XPNPEP1: variants seen among roughly 807,000 people sequenced by gnomAD.
The protein encoded by XPNPEP1 is X-prolyl aminopeptidase 1.
In XPNPEP1, 39 loss-of-function variants were observed where a neutral mutation model predicts 92.4. The observed-to-expected ratio is 0.42, with a 90% CI of 0.33 to 0.55. The LOEUF (loss-of-function observed/expected upper bound fraction) is 0.55, where lower values mean the gene tolerates loss of function less well. Among genes scored for constraint, XPNPEP1 ranks in the 20% least tolerant of loss-of-function variants. XPNPEP1 has a pLI of 0.08. For missense variants in XPNPEP1, 654 were observed against 856.1 expected, an observed-to-expected ratio of 0.76 and a Z score of 2.95; for synonymous variants, 307 against 299.4, an observed-to-expected ratio of 1.03 and a Z score of -0.26.
chr10:109,881,133 G>C (rs753995949), intron 10 of XPNPEP1, among the ~76,000 whole-genome samples: 25 of 152,148 alleles, frequency 1.6e-4, no homozygotes, highest in Non-Finnish European at 3.4e-4. Flanking sequence ...CAACCAAAAA[G>C]AGTAAGTACA....
chr10:109,908,713 C>A (rs937864643), intron 2 of XPNPEP1, among the ~76,000 whole-genome samples: 1 of 152,112 alleles, frequency 6.6e-6, no homozygotes, highest in Non-Finnish European at 1.5e-5. Flanking sequence ...GGACAGTCAC[C>A]CAAGTGTTAA....
intron 14 of XPNPEP1, 188 bp from the exon 15 acceptor site, chr10:109,875,787 A>G (rs1847751298): frequency 1.9e-6 from 1 of 516,894 alleles, no homozygotes; most frequent in East Asian, 3.2e-5. Context: ...TCAAAGATCC[A>G]ATCAACCTAT....
At chr10:109,899,482 T>C (rs1358227247) in intron 3 of XPNPEP1, among the ~76,000 whole-genome samples, 4 of 152,156 alleles carry the variant, frequency 2.6e-5, no homozygotes, top group African/African-American at 7.2e-5. Flanking sequence ...TACTGCTACA[T>C]GAAATAAGAA....
At chr10:109,904,511 A>T (rs759985966) in intron 3 of XPNPEP1, among the ~76,000 whole-genome samples, 15 of 152,168 alleles carry the variant, frequency 9.9e-5, no homozygotes, top group African/African-American at 1.4e-4. Flanking sequence ...TGGACATTTA[A>T]GTCTGAAAAA....
chr10:109,870,623 G>C (rs570260567), intron 18 of XPNPEP1, 108 bp downstream of exon 18: 1 of 1,408,730 alleles, frequency 7.1e-7, no homozygotes, highest in Non-Finnish European at 9.5e-7. Context: ...TGTTGGAAGG[G>C]AAAAGTATTG....
At chr10:109,880,103 G>A in intron 12 of XPNPEP1, 85 bp downstream of exon 12, 1 of 1,359,386 alleles carries the variant, frequency 7.4e-7, no homozygotes, top group Admixed American at 1.7e-5. Flanking sequence ...GGTCAGCAGA[G>A]CATGGGAGAT....
chr10:109,871,046 A>G lies in XPNPEP1; in HGVS notation c.1523-142T>C, dbSNP rs879650952. On this transcript the variant is annotated intron_variant, in intron 17 of 20. Coordinates refer to ENST00000502935, the MANE Select transcript of XPNPEP1 (RefSeq NM_020383.4). ...AGATTTCAGCACAGCACAAGGAAGA[A>G]CTTTCTAACAATCAGAGCTCCTGAG... The G allele has an allele frequency of 1.7e-4, 159 of 911,880 alleles. 1 individual carries two copies. The highest frequency in any genetic ancestry group is 2.6e-4 in the Middle Eastern group (1 of 3,866). 56.5% of individuals were successfully genotyped at this position (911,880 alleles called of 1,614,324 possible).
At chr10:109,915,133 T>C in intron 1 of XPNPEP1, 34 bp from the exon 2 acceptor site, 2 of 1,395,296 alleles carry the variant, frequency 1.4e-6, no homozygotes, top group Non-Finnish European at 1.9e-6. Context: ...GTTGCAGACT[T>C]TGACCACAAT....
intron 2 of XPNPEP1, among the ~76,000 whole-genome samples, chr10:109,914,744 C>T (rs1246891808): frequency 1.1e-4 from 16 of 142,496 alleles, no homozygotes; most frequent in Middle Eastern, 3.8e-3. Flanking sequence ...TGCAGTGAGC[C>T]GAGATCACGC....
At chr10:109,881,349 T>C (rs975312903) in intron 10 of XPNPEP1, among the ~76,000 whole-genome samples, 1 of 152,102 alleles carries the variant, frequency 6.6e-6, no homozygotes, top group Non-Finnish European at 1.5e-5. Flanking sequence ...ACCTGATGAG[T>C]GAGGTCTCCT....
intron 5 of XPNPEP1, chr10:109,891,269 T>A (rs921088401): frequency 6.5e-6 from 1 of 153,320 alleles, no homozygotes; most frequent in Non-Finnish European, 1.5e-5. Flanking sequence ...TCCAGACCTG[T>A]TCGCTTGTCC....
intron 3 of XPNPEP1, among the ~76,000 whole-genome samples, chr10:109,896,700 G>A (rs1295366867): frequency 6.6e-6 from 1 of 152,000 alleles, no homozygotes; most frequent in Admixed American, 6.6e-5. Flanking sequence ...CAGGTGACTA[G>A]ATCCTCAACC....
At chr10:109,891,342 C>T (rs1256291440) in intron 5 of XPNPEP1, 1 of 158,376 alleles carries the variant, frequency 6.3e-6, no homozygotes, top group African/African-American at 2.4e-5. Context: ...CAGAGAGAGC[C>T]TCAGGGGAAA....
chr10:109,870,866 C>T lies in XPNPEP1; in HGVS notation c.1561G>A (p.Asp521Asn), dbSNP rs1055755492. The change falls in exon 18 of 21, where the codon GAT (aspartate) becomes AAT (asparagine). Residue 521 changes from aspartate (D) to asparagine (N), a missense_variant. By Grantham distance (23) the Asp-to-Asn change is conservative. Transcript: ENST00000502935. ...CCGTGCAAGTAATCTAGGCCTGAAT[C>T]CCATAAAGCTGAACGGGCAAAGGAG... ...LDSFARSALW[D>N]SGLDYLHGTG... is the part of the protein sequence containing the mutation. 1.9e-6 allele frequency: 3 copies of T among 1,614,070 alleles called. No individual in the cohort carries two copies. Among genetic ancestry groups the T allele is most frequent in the Admixed American group, 1.7e-5 (1 of 60,008 alleles).
intron 3 of XPNPEP1, among the ~76,000 whole-genome samples, chr10:109,901,412 T>TA (rs1564781321): frequency 6.6e-6 from 1 of 152,120 alleles, no homozygotes; most frequent in Non-Finnish European, 1.5e-5. Context: ...AAGTATAATT[T>TA]AAAAAAAGAT....
rs1850680324 is a variant in XPNPEP1, at chr10:109,923,497, G to A, written c.-64C>T. Reference sequence around the variant, plus strand: ...AGACCAGCTGATCACCCGCGGAAGGGCCGGCGCGAAGGAGGCGCGAGAGCC... The same window carrying A: ...AGACCAGCTGATCACCCGCGGAAGGACCGGCGCGAAGGAGGCGCGAGAGCC... On this transcript the variant is annotated 5_prime_UTR_variant, in exon 1 of 21. Coordinates refer to ENST00000502935, the MANE Select transcript of XPNPEP1 (RefSeq NM_020383.4). 4.6e-6 allele frequency: 6 copies of A among 1,292,968 alleles called. No individual in the cohort carries two copies. Among genetic ancestry groups the A allele is most frequent in the Non-Finnish European group, 5.9e-6 (6 of 1,013,048 alleles). 80.1% of individuals were successfully genotyped at this position (1,292,968 alleles called of 1,614,324 possible).
intron 7 of XPNPEP1, among the ~76,000 whole-genome samples, chr10:109,887,599 G>A (rs995044908): frequency 2.0e-5 from 3 of 152,080 alleles, no homozygotes; most frequent in African/African-American, 7.2e-5. Flanking sequence ...CTATCGCACA[G>A]GCCAAGGAAA....
intron 3 of XPNPEP1, among the ~76,000 whole-genome samples, chr10:109,902,110 T>A (rs944325849): frequency 5.3e-5 from 8 of 152,256 alleles, no homozygotes; most frequent in Non-Finnish European, 1.2e-4. Flanking sequence ...AGTTTCTTTT[T>A]GTGTTCTCAT....
intron 1 of XPNPEP1, chr10:109,923,060 C>T: frequency 4.2e-6 from 3 of 712,086 alleles, no homozygotes; most frequent in Non-Finnish European, 5.2e-6. Flanking sequence ...CGAAGAGGGG[C>T]CAACTTCCTC....
Sources: allele counts gnomAD v4.1 joint callset (sites outside exome capture counted in the v4.1 genomes callset), GRCh38; gene constraint gnomAD v4.1.1; transcripts MANE v1.5; gene names NCBI Gene and HGNC (gene_info 2026-07-23, HGNC 2026-07-21).